The following NELL1 variants were observed in gnomAD, a reference collection of about 807,000 sequenced individuals.
NELL1 encodes the protein neural EGFL like 1.
In NELL1, 76 loss-of-function variants were observed where a neutral mutation model predicts 107.4. The ratio of observed to expected loss-of-function variants is 0.71; its 90% CI spans 0.59 to 0.86. The LOEUF (loss-of-function observed/expected upper bound fraction) is 0.86. NELL1 is among the 40% of genes least tolerant of loss of function. The pLI is 0.00. For synonymous variants in NELL1, 353 were observed against 341.2 expected (o/e 1.03, Z -0.38); for missense variants, 1,024 against 1,005.5 (o/e 1.02, Z -0.25).
At position 20,677,981 on chromosome 11, in the gene NELL1, G is replaced by A. The variant is rs1390473900; in HGVS notation, c.105G>A (p.Glu35=). The A allele has an allele frequency of 3.7e-6, 6 of 1,614,006 alleles. No individual in the cohort carries two copies. The African/African-American group carries it at 4.0e-5, about 11-fold the overall frequency. Residue 35 remains glutamate (E), a synonymous_variant, in exon 2 of 20, where the codon GAG becomes GAA. Transcript: ENST00000357134. ...DPDLQMDIVT[E]LDLVNTTLGV... ...ACCTTCAGATGGATATCGTCACCGA[G>A]CTTGACCTTGTGAACACCACCCTTG... is the stretch of plus-strand genomic sequence containing the variant.
intron 12 of NELL1, among the ~76,000 whole-genome samples, chr11:21,072,575 A>T (rs1041663814): frequency 6.6e-6 from 1 of 152,178 alleles, no homozygotes; most frequent in Admixed American, 6.5e-5. Flanking sequence ...CTTTATAGGG[A>T]TAGGAGAAAT....
At chr11:21,461,185 A>T (rs1853892064) in intron 15 of NELL1, among the ~76,000 whole-genome samples, 1 of 152,080 alleles carries the variant, frequency 6.6e-6, no homozygotes, top group Non-Finnish European at 1.5e-5. Context: ...TATTTCAGAG[A>T]GTAAAACACT....
chr11:20,907,250 ATTT>A, intron 5 of NELL1, among the ~76,000 whole-genome samples: 1 of 148,470 alleles, frequency 6.7e-6, no homozygotes, highest in South Asian at 2.2e-4. Context: ...AAAAAAAAAA[ATTT>A]CTTCATCAAA....
intron 14 of NELL1, among the ~76,000 whole-genome samples, chr11:21,302,250 G>A (rs1366749199): frequency 1.3e-5 from 2 of 152,014 alleles, no homozygotes; most frequent in Non-Finnish European, 2.9e-5. Flanking sequence ...ACAGCCTGAG[G>A]CCTCCCAGAT....
intron 15 of NELL1, among the ~76,000 whole-genome samples, chr11:21,381,611 A>G (rs1479798191): frequency 2.0e-5 from 3 of 151,906 alleles, no homozygotes; most frequent in African/African-American, 7.2e-5. Flanking sequence ...GCCCAAGGAT[A>G]CTCAGCAGGT....
At chr11:21,215,956 G>T (rs546212308) in intron 13 of NELL1, among the ~76,000 whole-genome samples, 4 of 152,194 alleles carry the variant, frequency 2.6e-5, no homozygotes, top group South Asian at 2.1e-4. Flanking sequence ...TGTCTCCAGG[G>T]CATGTCAGAG....
intron 15 of NELL1, among the ~76,000 whole-genome samples, chr11:21,410,822 C>T (rs568828687): frequency 3.3e-5 from 5 of 152,122 alleles, no homozygotes; most frequent in South Asian, 4.1e-4. Flanking sequence ...GAGCATACGG[C>T]GTGTGCCGTT....
At chr11:21,152,858 A>G (rs1007351172) in intron 13 of NELL1, among the ~76,000 whole-genome samples, 2 of 152,084 alleles carry the variant, frequency 1.3e-5, no homozygotes, top group African/African-American at 2.4e-5. Flanking sequence ...TTTCCTAATT[A>G]TATCCTGAAT....
At chr11:21,222,305 G>T (rs982471960) in intron 13 of NELL1, among the ~76,000 whole-genome samples, 2 of 151,624 alleles carry the variant, frequency 1.3e-5, no homozygotes, top group Non-Finnish European at 2.9e-5. Flanking sequence ...TCAGCCTCCC[G>T]AGTAGCTGGG....
At chr11:20,867,704 CCTT>C (rs768339499) in intron 4 of NELL1, among the ~76,000 whole-genome samples, 40 of 152,238 alleles carry the variant, frequency 2.6e-4, no homozygotes, top group Non-Finnish European at 4.4e-4. Flanking sequence ...GAATAACTTT[CCTT>C]CTTATTTTTA....
At chr11:20,911,264 C>G (rs1258530601) in intron 5 of NELL1, among the ~76,000 whole-genome samples, 1 of 152,182 alleles carries the variant, frequency 6.6e-6, no homozygotes, top group Non-Finnish European at 1.5e-5. Context: ...ACAGAACCAA[C>G]AGTTATTGAA....
intron 12 of NELL1, among the ~76,000 whole-genome samples, chr11:21,028,857 C>T (rs1852884586): frequency 6.6e-6 from 1 of 152,110 alleles, no homozygotes; most frequent in Non-Finnish European, 1.5e-5. Context: ...AAAAAGCTCT[C>T]AAGTTATTAT....
intron 4 of NELL1, among the ~76,000 whole-genome samples, chr11:20,861,779 G>A (rs959165221): frequency 6.6e-6 from 1 of 152,198 alleles, no homozygotes; most frequent in Admixed American, 6.5e-5. Flanking sequence ...TTCCGAGCAT[G>A]AGCTTTTGGA....
At chr11:21,080,518 A>G (rs992799035) in intron 12 of NELL1, among the ~76,000 whole-genome samples, 1 of 152,222 alleles carries the variant, frequency 6.6e-6, no homozygotes, top group Admixed American at 6.5e-5. Context: ...GAATCATATT[A>G]TATCTTTCTA....
At chr11:20,767,882 T>G (rs1432888057) in intron 2 of NELL1, among the ~76,000 whole-genome samples, 1 of 152,180 alleles carries the variant, frequency 6.6e-6, no homozygotes, top group East Asian at 1.9e-4. Flanking sequence ...CCAATCACAG[T>G]AAACAAGTAT....
intron 14 of NELL1, among the ~76,000 whole-genome samples, chr11:21,335,843 C>T (rs1185004922): frequency 6.6e-6 from 1 of 151,996 alleles, no homozygotes; most frequent in Non-Finnish European, 1.5e-5. Flanking sequence ...TATAAATCAT[C>T]TCTGTTTGCA....
chr11:20,929,982 G>GA (rs200854592), intron 9 of NELL1, among the ~76,000 whole-genome samples: 27,846 of 127,546 alleles, frequency 0.22, 2,812 homozygotes, highest in East Asian at 0.46. Flanking sequence ...AAAAAAAAAA[G>GA]AAAAAAAAAA....
intron 2 of NELL1, among the ~76,000 whole-genome samples, chr11:20,755,558 T>TTTTTTATTTA (rs1267991719): frequency 6.1e-5 from 1 of 16,432 alleles, no homozygotes; most frequent in Non-Finnish European, 2.5e-4. Flanking sequence ...TTGTTTTTGT[T>TTTTTTATTTA]TTTGTTTTTT....
At chr11:20,894,837 A>G (rs1276253247) in intron 5 of NELL1, among the ~76,000 whole-genome samples, 1 of 152,226 alleles carries the variant, frequency 6.6e-6, no homozygotes, top group Admixed American at 6.5e-5. Flanking sequence ...TAAGATTTGC[A>G]TAAATTTGTG....
Sources: allele counts gnomAD v4.1 joint callset (sites outside exome capture counted in the v4.1 genomes callset), GRCh38; gene constraint gnomAD v4.1.1; transcripts MANE v1.5; gene names NCBI Gene and HGNC (gene_info 2026-07-23, HGNC 2026-07-21).